Variants in CNTN3 observed in about 807,000 individuals in gnomAD.
CNTN3 encodes the protein contactin 3.
A neutral mutation model predicts 119.1 loss-of-function variants in CNTN3; 60 were observed. The ratio of observed to expected loss-of-function variants is 0.50; its 90% CI spans 0.41 to 0.62. The LOEUF (loss-of-function observed/expected upper bound fraction) is 0.62. Ranked by LOEUF, CNTN3 falls within the 20% of genes least tolerant of loss-of-function variation. CNTN3 has a pLI of 0.00. For missense variants in CNTN3, 1,101 were observed against 1,242.4 expected (o/e 0.89, Z 1.71); for synonymous variants, 450 against 438.7 (o/e 1.03, Z -0.32).
chr3:74,565,302 G>A (rs1200944432), intron 1 of CNTN3, among the ~76,000 whole-genome samples: 1 of 152,138 alleles, frequency 6.6e-6, no homozygotes, highest in East Asian at 1.9e-4. Context: ...CCAGGTTATA[G>A]AGGCTGACCA....
At position 74,369,964 on chromosome 3, in the gene CNTN3, A is replaced by G; in HGVS notation, c.686T>C (p.Ile229Thr). Reference protein sequence around the residue: ...DGVMGEYEPKIEVQFPETLPA... With the variant: ...DGVMGEYEPKTEVQFPETLPA... ...AAGAGTTTCTGGAAACTGAACTTCT[A>G]TTTTAGGTTCATATTCACCCATCAC... is the stretch of plus-strand genomic sequence containing the variant. The change falls in exon 7 of 23, where the codon ATA becomes ACA. Residue 229 changes from isoleucine to threonine, a missense_variant. Ile to Thr is a moderately conservative substitution (Grantham distance 89). Coordinates refer to ENST00000263665, the MANE Select transcript of CNTN3 (RefSeq NM_020872.3). 1.2e-6 allele frequency: 2 copies of G among 1,601,208 alleles called. No homozygotes were observed. Among genetic ancestry groups the G allele is most frequent in the East Asian group, 2.2e-5 (1 of 44,556 alleles).
Position 74,369,259 on chromosome 3 carries a change from T to C in CNTN3, c.876A>G (p.Ala292=). Residue 292 remains alanine, a synonymous_variant, in exon 8 of 23, where the codon GCA becomes GCG. Coordinates refer to ENST00000263665, the MANE Select transcript of CNTN3 (RefSeq NM_020872.3). ...LEIPNFQQED[A]GSYECIAENS... ...TCTCAGCAATGCATTCATAGGAACC[T>C]GCATCTTCCTGTTGGAAGTTGGGGA... 1 of 1,611,502 alleles carries C rather than the reference T, an allele frequency of 6.2e-7. No homozygotes were observed. Among genetic ancestry groups the C allele is most frequent in the Non-Finnish European group, 8.5e-7 (1 of 1,178,778 alleles).
At chr3:74,601,943 G>A (rs967932188) in intron 1 of CNTN3, among the ~76,000 whole-genome samples, 1 of 152,038 alleles carries the variant, frequency 6.6e-6, no homozygotes, top group Non-Finnish European at 1.5e-5. Context: ...AATAGAGCCA[G>A]ACAGTCCTGC....
chr3:74,514,540 C>T (rs186324253), intron 2 of CNTN3, among the ~76,000 whole-genome samples: 6 of 152,076 alleles, frequency 3.9e-5, no homozygotes, highest in Admixed American at 6.6e-5. Flanking sequence ...TGTTCATTAA[C>T]GTGACACTGC....
chr3:74,515,604 C>T (rs1446527725), intron 2 of CNTN3, among the ~76,000 whole-genome samples: 1 of 151,980 alleles, frequency 6.6e-6, no homozygotes, highest in African/African-American at 2.4e-5. Flanking sequence ...GTACAGTCTT[C>T]AAGAGGGAAA....
chr3:74,550,277 G>A (rs116700941), intron 1 of CNTN3, among the ~76,000 whole-genome samples: 526 of 152,314 alleles, frequency 3.5e-3, no homozygotes, highest in African/African-American at 0.012. Context: ...CCCAAGGGAA[G>A]AATACATACG....
At chr3:74,276,540 A>G (rs1701883576) in intron 20 of CNTN3, among the ~76,000 whole-genome samples, 1 of 152,082 alleles carries the variant, frequency 6.6e-6, no homozygotes, top group Middle Eastern at 3.2e-3. Flanking sequence ...GTGATCATTG[A>G]GTCAAAAATG....
intron 13 of CNTN3, among the ~76,000 whole-genome samples, chr3:74,333,514 T>C (rs904599499): frequency 2.6e-5 from 4 of 152,224 alleles, no homozygotes; most frequent in Non-Finnish European, 5.9e-5. Flanking sequence ...TCTGTGTCTG[T>C]GCTTCACATG....
intron 1 of CNTN3, among the ~76,000 whole-genome samples, chr3:74,530,575 C>T (rs555435852): frequency 1.7e-4 from 26 of 151,750 alleles, no homozygotes; most frequent in Admixed American, 4.6e-4. Flanking sequence ...AATGAGAGCA[C>T]GCTGGAGCCA....
intron 7 of CNTN3, 51 bp from the exon 8 acceptor site, chr3:74,369,424 C>G (rs763326940): frequency 7.0e-7 from 1 of 1,422,536 alleles, no homozygotes; most frequent in Non-Finnish European, 9.4e-7. Flanking sequence ...GCCTTTTCAA[C>G]TTGAGAAAAT....
rs1462047765 is a variant in CNTN3 at position 74,266,578 on chromosome 3, C to T, written c.2889G>A (p.Val963=). Residue 963 remains valine (V), a synonymous_variant, in exon 22 of 23, where the codon GTG becomes GTA. Coordinates refer to ENST00000263665, the MANE Select transcript of CNTN3 (RefSeq NM_020872.3). ...LNTNKTSAEL[V]LPIKEDYIIE... ...TAATGTAGTCCTCTTTAATGGGCAGCACAAGTTCAGCTGAAGTTTTATTTG... is the reference window on the plus strand; with the variant it reads ...TAATGTAGTCCTCTTTAATGGGCAGTACAAGTTCAGCTGAAGTTTTATTTG... The T allele has an allele frequency of 8.7e-6, 14 of 1,613,488 alleles. No individual in the cohort carries two copies. The highest frequency in any genetic ancestry group is 1.2e-5 in the Non-Finnish European group (14 of 1,179,642).
At chr3:74,338,131 C>A (rs1703439785) in intron 11 of CNTN3, among the ~76,000 whole-genome samples, 1 of 152,090 alleles carries the variant, frequency 6.6e-6, no homozygotes, top group East Asian at 1.9e-4. Context: ...GGATGGTAAA[C>A]TTCTTAAAAA....
intron 5 of CNTN3, among the ~76,000 whole-genome samples, chr3:74,381,518 G>C (rs1176187072): frequency 3.3e-5 from 5 of 152,030 alleles, no homozygotes; most frequent in African/African-American, 1.2e-4. Flanking sequence ...GCTGCTTCAG[G>C]TTCAAGTCAA....
Position 74,371,235 on chromosome 3 carries a change from C to G in CNTN3, c.619G>C (p.Val207Leu). 6.2e-7 allele frequency: 1 copy of G among 1,613,396 alleles called. No homozygotes were observed. The highest frequency in any genetic ancestry group is 8.5e-7 in the Non-Finnish European group (1 of 1,179,596). ...ACCAAAGGAGTTGGAGAGCCCAGCA[C>G]TCGGGCATTTGTCACCATACTTGTC... ...VVTSMVTNAR[V>L]LGSPTPLVLR... Residue 207 changes from valine (V) to leucine (L), a missense_variant, in exon 6 of 23, where the codon GTG becomes CTG. Physicochemically the swap from Val to Leu is conservative, Grantham distance 32. Coordinates refer to ENST00000263665, the MANE Select transcript of CNTN3 (RefSeq NM_020872.3).
intron 13 of CNTN3, among the ~76,000 whole-genome samples, chr3:74,314,918 T>G (rs1702791988): frequency 6.6e-6 from 1 of 152,168 alleles, no homozygotes; most frequent in Non-Finnish European, 1.5e-5. Context: ...CTGTACTGCA[T>G]TCCCAGGAGG....
chr3:74,501,600 A>C (rs999016485), intron 2 of CNTN3, among the ~76,000 whole-genome samples: 1 of 152,122 alleles, frequency 6.6e-6, no homozygotes, highest in Non-Finnish European at 1.5e-5. Flanking sequence ...AAACTTCTTA[A>C]ACTCAAAGAC....
At chr3:74,477,633 T>C (rs1702682747) in intron 4 of CNTN3, among the ~76,000 whole-genome samples, 1 of 151,862 alleles carries the variant, frequency 6.6e-6, no homozygotes, top group African/African-American at 2.4e-5. Context: ...ATGGGTAAAA[T>C]AAAAAGAGTT....
chr3:74,414,071 T>G (rs1404501256), intron 5 of CNTN3, among the ~76,000 whole-genome samples: 4 of 152,210 alleles, frequency 2.6e-5, no homozygotes, highest in Non-Finnish European at 5.9e-5. Context: ...ATCAGTGCAG[T>G]TGACTGCGAA....
chr3:74,594,539 C>T (rs536168393), intron 1 of CNTN3, among the ~76,000 whole-genome samples: 114 of 151,486 alleles, frequency 7.5e-4, no homozygotes, highest in Non-Finnish European at 1.2e-3. Flanking sequence ...TGAGAACATG[C>T]GGTGTTTGGT....
Sources: allele counts gnomAD v4.1 joint callset (sites outside exome capture counted in the v4.1 genomes callset), GRCh38; gene constraint gnomAD v4.1.1; transcripts MANE v1.5; gene names NCBI Gene and HGNC (gene_info 2026-07-23, HGNC 2026-07-21).